The following BMPR1B variants were observed in gnomAD, a reference collection of about 807,000 sequenced individuals.
The protein encoded by BMPR1B is bone morphogenetic protein receptor type 1B.
BMPR1B carries 12 observed loss-of-function variants against 59.1 expected under a neutral mutation model. The observed-to-expected ratio is 0.20, with a 90% CI of 0.13 to 0.33. BMPR1B has a LOEUF of 0.33. BMPR1B is among the 10% of genes least tolerant of loss of function. The probability of loss-of-function intolerance (pLI) is 1.00; values close to 1 mark genes in which losing one functional copy is unlikely to be tolerated. For missense variants in BMPR1B, 550 were observed against 610.9 expected (o/e 0.90, Z 1.05); for synonymous variants, 237 against 207.3 (o/e 1.14, Z -1.23).
Position 95,131,318 on chromosome 4 carries a change from C to T in BMPR1B, c.882C>T (p.Thr294=), listed in dbSNP as rs1181869221. The change falls in exon 10 of 13, where the codon ACC becomes ACT. Residue 294 remains threonine (T), a synonymous_variant. Coordinates refer to ENST00000515059, the MANE Select transcript of BMPR1B (RefSeq NM_001203.3). ...NGSLYDYLKS[T]TLDAKSMLKL... ...CCCTTTATGATTATCTGAAGTCCAC[C>T]ACCCTAGACGCTAAATCAATGCTGA... 1 of 1,613,888 alleles carries T rather than the reference C, an allele frequency of 6.2e-7. No individual in the cohort carries two copies. Among genetic ancestry groups the T allele is most frequent in the Non-Finnish European group, 8.5e-7 (1 of 1,179,960 alleles).
chr4:95,030,130 A>G (rs1724720592), intron 3 of BMPR1B, among the ~76,000 whole-genome samples: 1 of 151,618 alleles, frequency 6.6e-6, no homozygotes, highest in African/African-American at 2.4e-5. Context: ...ATGAGATCCC[A>G]TTTGTCAATT....
In BMPR1B at chr4:94,761,415, CTGTGTGTGTGTGTGTG is replaced by C. The variant is rs57447983; in HGVS notation, c.-183+3379_-183+3394del. 1.7e-3 allele frequency among the ~76,000 whole-genome samples: 244 copies of C among 141,284 alleles called. 2 individuals carry two copies. Among genetic ancestry groups the C allele is most frequent in the Non-Finnish European group, 1.2e-3 (77 of 65,148 alleles). The allele number at this position is 141,284 out of a possible 152,430, so 92.7% of individuals were successfully genotyped here. A position where few individuals can be genotyped will look rare whatever the true frequency, so the allele number is the denominator to read the frequency against. On this transcript the variant is annotated intron_variant, in intron 1 of 12. Transcript: ENST00000515059. Reference sequence around the variant, plus strand: ...GACTTACATTTTCCGCTGTATAATTCTGTGTGTGTGTGTGTGTGTGTGTGTGTGTGTGTGTGTGTGT... The same window carrying C: ...GACTTACATTTTCCGCTGTATAATTCTGTGTGTGTGTGTGTGTGTGTGTGT...
At chr4:94,936,933 T>C (rs1045354754) in intron 2 of BMPR1B, among the ~76,000 whole-genome samples, 1 of 152,120 alleles carries the variant, frequency 6.6e-6, no homozygotes, top group Non-Finnish European at 1.5e-5. Context: ...CCAAACTGTC[T>C]ACCATTTCAT....
At chr4:95,003,801 CTTTTTTTTTTTT>C (rs5860385) in intron 3 of BMPR1B, among the ~76,000 whole-genome samples, 1 of 84,560 alleles carries the variant, frequency 1.2e-5, no homozygotes, top group African/African-American at 4.8e-5. Flanking sequence ...CAAAGTCCAT[CTTTTTTTTTTTT>C]TTTTTTTTTT....
intron 2 of BMPR1B, among the ~76,000 whole-genome samples, chr4:94,962,714 TTATC>T (rs1177229176): frequency 6.6e-6 from 1 of 152,222 alleles, no homozygotes; most frequent in Non-Finnish European, 1.5e-5. Flanking sequence ...CACATTTTCT[TTATC>T]CATTCATTGT....
At chr4:94,941,682 A>G (rs994156892) in intron 2 of BMPR1B, among the ~76,000 whole-genome samples, 1 of 152,126 alleles carries the variant, frequency 6.6e-6, no homozygotes, top group Admixed American at 6.5e-5. Flanking sequence ...TTGAATTGGT[A>G]ATGATTCATT....
chr4:94,940,010 C>A (rs940897465), intron 2 of BMPR1B, among the ~76,000 whole-genome samples: 51 of 152,094 alleles, frequency 3.4e-4, no homozygotes, highest in Non-Finnish European at 1.6e-4. Flanking sequence ...CTTCCCTCAC[C>A]CCCTTCCTTT....
chr4:94,808,549 T>G (rs991111843), intron 1 of BMPR1B, among the ~76,000 whole-genome samples: 10 of 152,238 alleles, frequency 6.6e-5, no homozygotes, highest in African/African-American at 2.4e-4. Flanking sequence ...TTTTGTATGG[T>G]TATGGTTTTG....
chr4:95,097,160 C>T (rs1173663882), intron 3 of BMPR1B, among the ~76,000 whole-genome samples: 6 of 146,900 alleles, frequency 4.1e-5, no homozygotes, highest in South Asian at 2.1e-4. Flanking sequence ...TGTAACTATA[C>T]GTCACAAGCT....
chr4:94,872,901 C>T (rs1440011741), intron 1 of BMPR1B, among the ~76,000 whole-genome samples: 3 of 152,158 alleles, frequency 2.0e-5, no homozygotes, highest in East Asian at 3.8e-4. Flanking sequence ...GAAGAGATTT[C>T]AGTTTGATAC....
chr4:94,814,732 A>G (rs975209662), intron 1 of BMPR1B, among the ~76,000 whole-genome samples: 4 of 152,216 alleles, frequency 2.6e-5, no homozygotes, highest in Non-Finnish European at 5.9e-5. Flanking sequence ...CTATGTGTCA[A>G]AACATACTGG....
At chr4:94,892,679 C>T (rs1727446041) in intron 2 of BMPR1B, among the ~76,000 whole-genome samples, 1 of 151,984 alleles carries the variant, frequency 6.6e-6, no homozygotes, top group Non-Finnish European at 1.5e-5. Flanking sequence ...TTTAAAGACC[C>T]ACAAGCATTT....
At chr4:95,057,755 A>G (rs1288429067) in intron 3 of BMPR1B, among the ~76,000 whole-genome samples, 1 of 152,166 alleles carries the variant, frequency 6.6e-6, no homozygotes, top group African/African-American at 2.4e-5. Flanking sequence ...TATGATAGCA[A>G]TATAAATACT....
chr4:95,131,035 T>C lies in BMPR1B; in HGVS notation c.779-180T>C, dbSNP rs17023083. ...GTGAGCCACTGTGCCTAGCCTTACT[T>C]GTACAATTTTGATTGCTTCTTATTG... is the stretch of plus-strand genomic sequence containing the variant. On this transcript the variant is annotated intron_variant, in intron 9 of 12. Transcript: ENST00000515059. 0.17 allele frequency among the ~76,000 whole-genome samples: 25,126 copies of C among 152,094 alleles called. 4,627 individuals carry two copies. Among genetic ancestry groups the C allele is most frequent in the African/African-American group, 0.46 (19,005 of 41,430 alleles).
rs1475662351 is a variant in BMPR1B at position 95,156,777 on chromosome 4, C to G, written c.*2104C>G. 1.3e-5 allele frequency: 2 copies of G among 152,008 alleles called. No individual in the cohort carries two copies. The highest frequency in any genetic ancestry group is 3.9e-4 in the East Asian group (2 of 5,188). The allele number at this position is 152,008 out of a possible 1,614,324, so 9.4% of individuals were successfully genotyped here. On this transcript the variant is annotated 3_prime_UTR_variant, in exon 13 of 13. Transcript: ENST00000515059. ...AATAATAATGTAAAGGTTCCTTTCT[C>G]TTGTGTCAGTTATATTCTTAGGGAT...
chr4:94,982,591 G>A (rs1052728933), intron 2 of BMPR1B, among the ~76,000 whole-genome samples: 1 of 152,114 alleles, frequency 6.6e-6, no homozygotes, highest in Non-Finnish European at 1.5e-5. Context: ...AAAAGTCCTC[G>A]TTGATATTAA....
chr4:95,053,067 CCAATAA>C (rs1726626117), intron 3 of BMPR1B, among the ~76,000 whole-genome samples: 1 of 151,928 alleles, frequency 6.6e-6, no homozygotes, highest in South Asian at 2.1e-4. Context: ...TTGAGTTATG[CCAATAA>C]AAAGCAAAGA....
intron 2 of BMPR1B, among the ~76,000 whole-genome samples, chr4:94,967,914 G>A (rs1395709736): frequency 6.6e-6 from 1 of 152,080 alleles, no homozygotes; most frequent in Non-Finnish European, 1.5e-5. Flanking sequence ...ATAATATCCA[G>A]AAAGTTATTA....
chr4:94,821,252 C>T (rs370338660), intron 1 of BMPR1B, among the ~76,000 whole-genome samples: 1 of 152,144 alleles, frequency 6.6e-6, no homozygotes, highest in African/African-American at 2.4e-5. Context: ...AAAGGTGTTG[C>T]AGCCTACTAA....
Sources: allele counts gnomAD v4.1 joint callset (sites outside exome capture counted in the v4.1 genomes callset), GRCh38; gene constraint gnomAD v4.1.1; transcripts MANE v1.5; gene names NCBI Gene and HGNC (gene_info 2026-07-23, HGNC 2026-07-21).